PTPRT: variants seen among roughly 807,000 people sequenced by gnomAD.
The protein encoded by PTPRT is receptor-type tyrosine-protein phosphatase T.
PTPRT carries 56 observed loss-of-function variants against 176.8 expected under a neutral mutation model. The observed-to-expected ratio is 0.32, with a 90% CI of 0.26 to 0.40. The LOEUF (loss-of-function observed/expected upper bound fraction) is 0.40, where lower values mean the gene tolerates loss of function less well. PTPRT is among the 10% of genes least tolerant of loss of function. The pLI is 1.00. For missense variants in PTPRT, 1,540 were observed against 1,908.2 expected, an observed-to-expected ratio of 0.81 and a Z score of 3.60; for synonymous variants, 783 against 739.0, an observed-to-expected ratio of 1.06 and a Z score of -0.96.
chr20:42,273,554 CAG>C (rs2056976323), intron 13 of PTPRT, among the ~76,000 whole-genome samples: 1 of 152,320 alleles, frequency 6.6e-6, no homozygotes, highest in South Asian at 2.1e-4. Context: ...GATGGGGAAA[CAG>C]AGACACAGAA....
Position 42,732,186 on chromosome 20 carries a change from A to T in PTPRT, c.859+24276T>A, listed in dbSNP as rs554455889. Reference sequence around the variant, plus strand: ...AAAAATAAATAAAATTTAAAATTCCATTCCTCAGCCATGATAACCACATTT... The same window carrying T: ...AAAAATAAATAAAATTTAAAATTCCTTTCCTCAGCCATGATAACCACATTT... On this transcript the variant is annotated intron_variant, in intron 6 of 30. Coordinates refer to ENST00000373187, the MANE Select transcript of PTPRT (RefSeq NM_007050.6). Among the ~76,000 whole-genome samples the T allele has an allele frequency of 2.6e-5, 4 of 152,322 alleles. No homozygotes were observed. In the South Asian group the frequency reaches 6.2e-4, roughly 24 times the overall value.
chr20:43,134,372 T>C (rs754422289), intron 1 of PTPRT, among the ~76,000 whole-genome samples: 5 of 152,192 alleles, frequency 3.3e-5, no homozygotes, highest in Non-Finnish European at 5.9e-5. Context: ...TAGCAAGAAC[T>C]TCCCACCTTT....
intron 12 of PTPRT, 58 bp from the exon 13 acceptor site, chr20:42,282,583 A>G: frequency 1.5e-6 from 2 of 1,374,420 alleles, no homozygotes; most frequent in Non-Finnish European, 1.0e-6. Context: ...TAAAATTGTT[A>G]TATAAAGACA....
intron 16 of PTPRT, among the ~76,000 whole-genome samples, chr20:42,191,342 C>T (rs375805490): frequency 1.3e-5 from 2 of 152,122 alleles, no homozygotes; most frequent in African/African-American, 2.4e-5. Context: ...TAGGCAGTCA[C>T]GTGATGAATA....
chr20:42,990,888 G>T (rs987579636), intron 1 of PTPRT, among the ~76,000 whole-genome samples: 10 of 152,144 alleles, frequency 6.6e-5, no homozygotes, highest in African/African-American at 2.4e-4. Context: ...TTTCATAACT[G>T]AAAACATTCT....
intron 27 of PTPRT, among the ~76,000 whole-genome samples, chr20:42,097,861 T>C (rs989798378): frequency 1.3e-5 from 2 of 152,202 alleles, no homozygotes. Context: ...GGGGATATGC[T>C]GTAGGCACGT....
intron 13 of PTPRT, among the ~76,000 whole-genome samples, chr20:42,255,989 A>T (rs727337): frequency 0.64 from 97,831 of 151,916 alleles, 32,693 homozygotes; most frequent in African/African-American, 0.82. Context: ...AGTTTACCCC[A>T]GTCTACTGAA....
At chr20:42,500,314 G>A (rs6124468) in intron 7 of PTPRT, among the ~76,000 whole-genome samples, 17,596 of 151,650 alleles carry the variant, frequency 0.12, 1,229 homozygotes, top group Non-Finnish European at 0.16. Context: ...TCTTTATGCC[G>A]GTCTACTCAC....
At chr20:42,629,825 G>T (rs777442722) in intron 7 of PTPRT, among the ~76,000 whole-genome samples, 1 of 152,126 alleles carries the variant, frequency 6.6e-6, no homozygotes, top group Non-Finnish European at 1.5e-5. Flanking sequence ...AAACGACATG[G>T]GAACCAGGCA....
chr20:42,663,389 C>T lies in PTPRT; in HGVS notation c.1153+14477G>A, dbSNP rs544402411. 2.0e-5 allele frequency among the ~76,000 whole-genome samples: 3 copies of T among 152,250 alleles called. No homozygotes were observed. In the East Asian group the frequency reaches 5.8e-4, roughly 29 times the overall value. ...TTCTATGCTGGGCAGGACGGCAATG[C>T]GACCCCTTGCCTGAGTCCCACCAAA... On this transcript the variant is annotated intron_variant, in intron 7 of 30. Transcript: ENST00000373187.
At chr20:42,958,665 C>T (rs1981813871) in intron 1 of PTPRT, among the ~76,000 whole-genome samples, 1 of 151,832 alleles carries the variant, frequency 6.6e-6, no homozygotes, top group African/African-American at 2.4e-5. Context: ...TACCCCTTTA[C>T]TAGGGGAACA....
At chr20:42,862,253 C>A (rs976418340) in intron 2 of PTPRT, among the ~76,000 whole-genome samples, 1 of 152,158 alleles carries the variant, frequency 6.6e-6, no homozygotes, top group Non-Finnish European at 1.5e-5. Context: ...GCCTGGCTCA[C>A]AAGGCCTCCC....
In PTPRT at chr20:42,440,678, C is replaced by T. The variant is rs7275010; in HGVS notation, c.1560+7542G>A. On this transcript the variant is annotated intron_variant, in intron 9 of 30. Transcript: ENST00000373187. ...ACTTTTAGTAGAGACGGGGTTTCACCGTGTTAGCCAGGATGGTCTCGATCT... is the reference window on the plus strand; with the variant it reads ...ACTTTTAGTAGAGACGGGGTTTCACTGTGTTAGCCAGGATGGTCTCGATCT... 4.9e-3 allele frequency among the ~76,000 whole-genome samples: 749 copies of T among 152,112 alleles called. 7 individuals carry two copies. Among genetic ancestry groups the T allele is most frequent in the African/African-American group, 0.017 (713 of 41,496 alleles).
chr20:42,909,973 T>C (rs958925566), intron 1 of PTPRT, among the ~76,000 whole-genome samples: 2 of 152,208 alleles, frequency 1.3e-5, no homozygotes, highest in African/African-American at 4.8e-5. Context: ...TTCTCATTAC[T>C]CTCCTATTCT....
chr20:42,676,051 A>G (rs2146055409), intron 7 of PTPRT, among the ~76,000 whole-genome samples: 1 of 152,324 alleles, frequency 6.6e-6, no homozygotes, highest in South Asian at 2.1e-4. Flanking sequence ...ATCTACAGGC[A>G]CTTTTTCTGC....
At chr20:42,406,719 A>G (rs1027985759) in intron 9 of PTPRT, among the ~76,000 whole-genome samples, 3 of 152,228 alleles carry the variant, frequency 2.0e-5, no homozygotes, top group Admixed American at 6.5e-5. Flanking sequence ...AATTTTACCT[A>G]TAAATACAGA....
At chr20:42,060,016 T>G in the PTPRT span, among the ~76,000 whole-genome samples, 1 of 152,206 alleles carries the variant, frequency 6.6e-6, no homozygotes, top group Non-Finnish European at 1.5e-5. Context: ...TAATTTACAC[T>G]TGCAAAGCAC....
At chr20:42,490,040 A>G (rs111456155) in intron 7 of PTPRT, among the ~76,000 whole-genome samples, 1,561 of 152,322 alleles carry the variant, frequency 0.01, 32 homozygotes, top group African/African-American at 0.036. Context: ...TCTATCACAC[A>G]TGAAGTTTCC....
At chr20:42,055,813 G>C in the PTPRT span, among the ~76,000 whole-genome samples, 5,815 of 152,234 alleles carry the variant, frequency 0.038, 178 homozygotes, top group Middle Eastern at 0.068. Context: ...ACTCCAACTG[G>C]TCTGGAACAG....
Sources: gnomAD v4.1 joint callset for allele counts (sites outside exome capture counted in the v4.1 genomes callset) on GRCh38, gnomAD v4.1.1 for gene constraint, MANE v1.5 for transcripts, NCBI Gene and HGNC (gene_info 2026-07-23, HGNC 2026-07-21) for gene names.